Variants in PTPN14 observed in about 807,000 individuals in gnomAD.
PTPN14 encodes the protein protein tyrosine phosphatase non-receptor type 14.
Under a neutral mutation model 126.8 loss-of-function variants are expected in PTPN14, and 53 were observed. The observed-to-expected ratio is 0.42, with a 90% CI of 0.34 to 0.53. The LOEUF is 0.53. Among genes scored for constraint, PTPN14 ranks in the 20% least tolerant of loss-of-function variants. The probability of loss-of-function intolerance (pLI) is 0.08; values close to 1 mark genes in which losing one functional copy is unlikely to be tolerated. For synonymous variants in PTPN14, 630 were observed against 599.3 expected, an observed-to-expected ratio of 1.05 and a Z score of -0.75; for missense variants, 1,257 against 1,552.9, an observed-to-expected ratio of 0.81 and a Z score of 3.20.
chr1:214,378,760 C>T (rs1468590914), intron 13 of PTPN14, among the ~76,000 whole-genome samples: 1 of 150,970 alleles, frequency 6.6e-6, no homozygotes, highest in African/African-American at 2.5e-5. Flanking sequence ...GATCCGCAGG[C>T]ATCACCCTCC....
intron 3 of PTPN14, among the ~76,000 whole-genome samples, chr1:214,420,376 C>T (rs1342824411): frequency 6.6e-6 from 1 of 152,120 alleles, no homozygotes; most frequent in Non-Finnish European, 1.5e-5. Flanking sequence ...CAATAAATAC[C>T]CTATTTTGCC....
intron 1 of PTPN14, among the ~76,000 whole-genome samples, chr1:214,476,907 C>T (rs779938279): frequency 6.6e-6 from 1 of 152,250 alleles, no homozygotes; most frequent in African/African-American, 2.4e-5. Flanking sequence ...TGCTACTTCA[C>T]GGAATACTGC....
intron 8 of PTPN14, among the ~76,000 whole-genome samples, chr1:214,397,436 T>C (rs1472217719): frequency 1.3e-5 from 2 of 152,148 alleles, no homozygotes; most frequent in Non-Finnish European, 1.5e-5. Flanking sequence ...CCATTCCTGA[T>C]AAATGGAAAA....
chr1:214,476,017 G>C (rs1660859031), intron 1 of PTPN14, among the ~76,000 whole-genome samples: 1 of 152,314 alleles, frequency 6.6e-6, no homozygotes, highest in East Asian at 1.9e-4. Flanking sequence ...ACCATCAGCA[G>C]TTTATCTTTG....
At chr1:214,410,965 AT>A (rs1242469455) in intron 5 of PTPN14, among the ~76,000 whole-genome samples, 1 of 152,118 alleles carries the variant, frequency 6.6e-6, no homozygotes, top group African/African-American at 2.4e-5. Context: ...GAATTTTAGG[AT>A]TGTTTTCTAT....
At chr1:214,432,876 C>T (rs1013004940) in intron 3 of PTPN14, among the ~76,000 whole-genome samples, 4 of 152,122 alleles carry the variant, frequency 2.6e-5, no homozygotes, top group African/African-American at 7.2e-5. Context: ...TAGTGACTGA[C>T]TGCATGGGTG....
At position 214,445,634 on chromosome 1, in the gene PTPN14, T is replaced by G. The variant is rs1008880070; in HGVS notation, c.344+6171A>C. 3.9e-5 allele frequency among the ~76,000 whole-genome samples: 6 copies of G among 152,178 alleles called. 1 individual carries two copies. In the South Asian group the frequency reaches 1.0e-3, roughly 26 times the overall value. ...TTAGAAGTTTGTAGCCTAAATTCAC[T>G]CTTCAAAAATTAAGTTTTCTTTTAA... On this transcript the variant is annotated intron_variant, in intron 3 of 18. Coordinates refer to ENST00000366956, the MANE Select transcript of PTPN14 (RefSeq NM_005401.5).
chr1:214,456,255 G>C (rs1660379627), intron 2 of PTPN14, among the ~76,000 whole-genome samples: 3 of 152,140 alleles, frequency 2.0e-5, no homozygotes, highest in Admixed American at 2.0e-4. Flanking sequence ...AGTTGTAATA[G>C]GTTGCCTATC....
In PTPN14 at chr1:214,497,821, C is replaced by T. The variant is rs375846000; in HGVS notation, c.-154-32864G>A. Among the ~76,000 whole-genome samples the T allele has an allele frequency of 5.9e-4, 90 of 151,936 alleles. No individual in the cohort carries two copies. In the South Asian group the frequency reaches 0.018, roughly 30 times the overall value. ...GCATAGGAAAAGTTCTGTGAGGAAA[C>T]AGCCCAAGCCATCAGCTATTCTTAG... On this transcript the variant is annotated intron_variant, in intron 1 of 18. Coordinates refer to ENST00000366956, the MANE Select transcript of PTPN14 (RefSeq NM_005401.5).
At chr1:214,492,519 T>C (rs1174842792) in intron 1 of PTPN14, among the ~76,000 whole-genome samples, 4 of 152,254 alleles carry the variant, frequency 2.6e-5, no homozygotes, top group Non-Finnish European at 4.4e-5. Context: ...GATTAAAGTT[T>C]TGTGTATACG....
At chr1:214,507,910 GT>G (rs1654881023) in intron 1 of PTPN14, among the ~76,000 whole-genome samples, 1 of 152,050 alleles carries the variant, frequency 6.6e-6, no homozygotes, top group South Asian at 2.1e-4. Context: ...GAGCCCAGAA[GT>G]TCCAGGCTGC....
intron 3 of PTPN14, among the ~76,000 whole-genome samples, chr1:214,443,761 G>A (rs1660084169): frequency 6.6e-6 from 1 of 152,142 alleles, no homozygotes; most frequent in Admixed American, 6.5e-5. Context: ...TCTGAGCATG[G>A]GGTACTGTGC....
chr1:214,435,870 C>A (rs1221662575), intron 3 of PTPN14, among the ~76,000 whole-genome samples: 2 of 152,100 alleles, frequency 1.3e-5, no homozygotes, highest in African/African-American at 4.8e-5. Context: ...AATTTCCATT[C>A]GACCCAGCAA....
At chr1:214,545,479 G>A (rs149402050) in intron 1 of PTPN14, among the ~76,000 whole-genome samples, 31 of 152,178 alleles carry the variant, frequency 2.0e-4, no homozygotes, top group African/African-American at 4.1e-4. Flanking sequence ...TAATCACCTC[G>A]TAAAGGTCCC....
chr1:214,489,598 T>C (rs1661187632), intron 1 of PTPN14, among the ~76,000 whole-genome samples: 1 of 152,166 alleles, frequency 6.6e-6, no homozygotes, highest in Non-Finnish European at 1.5e-5. Context: ...TGGATTTGCT[T>C]AGCCCTGGAC....
intron 3 of PTPN14, among the ~76,000 whole-genome samples, chr1:214,433,952 A>ACACACACACACACAC (rs1491336637): frequency 2.2e-4 from 2 of 9,156 alleles, no homozygotes; most frequent in Admixed American, 1.4e-3. Flanking sequence ...ACACACACAC[A>ACACACACACACACAC]AAAAAAAAAA....
In PTPN14 at chr1:214,349,257, A is replaced by G. The variant is rs1432418880; in HGVS notation, c.*8665T>C. On this transcript the variant is annotated 3_prime_UTR_variant, in exon 19 of 19. Coordinates refer to ENST00000366956, the MANE Select transcript of PTPN14 (RefSeq NM_005401.5). ...GGAATGCATTTCTTACGGCAACAACATAAGAGATGGTGATTAAATGTCTGG... is the reference window on the plus strand; with the variant it reads ...GGAATGCATTTCTTACGGCAACAACGTAAGAGATGGTGATTAAATGTCTGG... 1 of 152,222 alleles carries G rather than the reference A, an allele frequency of 6.6e-6. No individual in the cohort carries two copies. The highest frequency in any genetic ancestry group is 1.5e-5 in the Non-Finnish European group (1 of 68,046). 9.4% of individuals were successfully genotyped at this position (152,222 alleles called of 1,614,324 possible).
At chr1:214,374,128 G>T (rs971598907) in intron 15 of PTPN14, among the ~76,000 whole-genome samples, 1 of 152,162 alleles carries the variant, frequency 6.6e-6, no homozygotes, top group African/African-American at 2.4e-5. Flanking sequence ...GCAAAGTCAG[G>T]TCCCTTCTAC....
chr1:214,502,247 C>T (rs1022164426), intron 1 of PTPN14, among the ~76,000 whole-genome samples: 6 of 151,998 alleles, frequency 3.9e-5, no homozygotes, highest in Non-Finnish European at 7.4e-5. Context: ...CCCTATTCCA[C>T]CATCCTACTG....
Sources: allele counts gnomAD v4.1 joint callset (sites outside exome capture counted in the v4.1 genomes callset), GRCh38; gene constraint gnomAD v4.1.1; transcripts MANE v1.5; gene names NCBI Gene and HGNC (gene_info 2026-07-23, HGNC 2026-07-21).